RANBP2: variants seen among roughly 807,000 people sequenced by gnomAD.
RANBP2 encodes the protein RAN binding protein 2.
Under a neutral mutation model 303.6 loss-of-function variants are expected in RANBP2, and 57 were observed. That is an observed-to-expected ratio of 0.19 (90% CI 0.15 to 0.23). The LOEUF is 0.23. Among genes scored for constraint, RANBP2 ranks in the 10% least tolerant of loss-of-function variants. RANBP2 has a pLI of 1.00. For missense variants in RANBP2, 3,138 were observed against 3,780.8 expected (o/e 0.83, Z 4.46); for synonymous variants, 1,167 against 1,301.5 (o/e 0.90, Z 2.23).
chr2:109,231,027 C>G, the RANBP2 span, among the ~76,000 whole-genome samples: 1 of 152,192 alleles, frequency 6.6e-6, no homozygotes, highest in African/African-American at 2.4e-5. Flanking sequence ...TGTCACAGTT[C>G]CTGAATGTCA....
chr2:109,266,465 A>G, the RANBP2 span, among the ~76,000 whole-genome samples: 3 of 152,036 alleles, frequency 2.0e-5, no homozygotes, highest in South Asian at 6.2e-4. Context: ...TATGTTTGGG[A>G]GTGGTCCCAG....
At chr2:108,919,795 G>A in the RANBP2 span, among the ~76,000 whole-genome samples, 2 of 152,290 alleles carry the variant, frequency 1.3e-5, no homozygotes, top group South Asian at 2.1e-4. Context: ...CCCTCTCCCC[G>A]CACTACGAAG....
At chr2:109,227,866 C>T in the RANBP2 span, among the ~76,000 whole-genome samples, 1 of 152,232 alleles carries the variant, frequency 6.6e-6, no homozygotes, top group Admixed American at 6.5e-5. Flanking sequence ...CTCCGCCTTT[C>T]ATCGGTTTGT....
chr2:109,658,461 G>A, the RANBP2 span, among the ~76,000 whole-genome samples: 127 of 151,628 alleles, frequency 8.4e-4, no homozygotes, highest in Non-Finnish European at 1.9e-4. Flanking sequence ...AAAAGAAAAA[G>A]ATATAAATCA....
the RANBP2 span, among the ~76,000 whole-genome samples, chr2:109,364,679 C>T: frequency 2.6e-5 from 4 of 152,186 alleles, no homozygotes; most frequent in African/African-American, 7.2e-5. Flanking sequence ...GTGCCCCTGG[C>T]CTGTGAACTT....
At chr2:109,369,926 T>C in the RANBP2 span, among the ~76,000 whole-genome samples, 3 of 152,200 alleles carry the variant, frequency 2.0e-5, no homozygotes, top group East Asian at 5.8e-4. Flanking sequence ...AGAGGCTCCT[T>C]GGAAAGGCGG....
the RANBP2 span, among the ~76,000 whole-genome samples, chr2:108,831,785 C>T: frequency 0.013 from 1,981 of 149,472 alleles, 61 homozygotes; most frequent in South Asian, 0.08. Context: ...CAGGCTGGAG[C>T]GCAATGGCAT....
the RANBP2 span, among the ~76,000 whole-genome samples, chr2:109,374,865 A>G: frequency 6.6e-6 from 1 of 152,168 alleles, no homozygotes; most frequent in Admixed American, 6.5e-5. Flanking sequence ...AGCGCAGCTC[A>G]GGCCATGATG....
At chr2:109,491,301 CCAG>C in the RANBP2 span, among the ~76,000 whole-genome samples, 3 of 152,254 alleles carry the variant, frequency 2.0e-5, no homozygotes, top group Non-Finnish European at 4.4e-5. Context: ...GGCTGAGTCC[CCAG>C]TGGGCCTATG....
At chr2:108,796,795 G>A in the RANBP2 span, among the ~76,000 whole-genome samples, 1 of 152,132 alleles carries the variant, frequency 6.6e-6, no homozygotes, top group Non-Finnish European at 1.5e-5. Flanking sequence ...AAATAGAGAT[G>A]GAATGGTGGT....
chr2:108,828,930 A>G, the RANBP2 span, among the ~76,000 whole-genome samples: 2 of 152,142 alleles, frequency 1.3e-5, no homozygotes, highest in Non-Finnish European at 2.9e-5. Context: ...GTGAGCCGAG[A>G]TCACGCCATT....
chr2:109,506,943 A>G, the RANBP2 span, among the ~76,000 whole-genome samples: 1 of 152,080 alleles, frequency 6.6e-6, no homozygotes, highest in Non-Finnish European at 1.5e-5. Context: ...GTGCTCAGCC[A>G]CCCCACACAG....
the RANBP2 span, among the ~76,000 whole-genome samples, chr2:109,651,118 C>G: frequency 6.6e-6 from 1 of 152,128 alleles, no homozygotes; most frequent in African/African-American, 2.4e-5. Context: ...ATCCTCTCCC[C>G]ACAAAGGGAG....
the RANBP2 span, among the ~76,000 whole-genome samples, chr2:109,574,428 G>C: frequency 2.5e-5 from 3 of 118,506 alleles, no homozygotes; most frequent in East Asian, 2.7e-4. Context: ...CTGGGTGACA[G>C]AGTGACTTTA....
At chr2:109,363,325 G>A in the RANBP2 span, among the ~76,000 whole-genome samples, 2 of 152,074 alleles carry the variant, frequency 1.3e-5, no homozygotes, top group Non-Finnish European at 2.9e-5. Context: ...TGCTTTGCAA[G>A]CAGTATGAGT....
At chr2:109,152,246 C>A in the RANBP2 span, among the ~76,000 whole-genome samples, 1 of 152,222 alleles carries the variant, frequency 6.6e-6, no homozygotes, top group African/African-American at 2.4e-5. Context: ...AGGTGACAGG[C>A]AGTACCTATA....
At chr2:109,017,359 C>T in the RANBP2 span, among the ~76,000 whole-genome samples, 3 of 152,210 alleles carry the variant, frequency 2.0e-5, no homozygotes, top group Admixed American at 1.3e-4. Context: ...ATGGGCTTGG[C>T]GCCTGGGCAG....
At chr2:108,971,866 CG>C in the RANBP2 span, among the ~76,000 whole-genome samples, 1 of 152,190 alleles carries the variant, frequency 6.6e-6, no homozygotes, top group Non-Finnish European at 1.5e-5. Flanking sequence ...GCAGAAGAGA[CG>C]GTGCAATTAC....
the RANBP2 span, among the ~76,000 whole-genome samples, chr2:109,726,643 A>G: frequency 6.6e-6 from 1 of 152,140 alleles, no homozygotes. Context: ...AATCCTGCTA[A>G]CCAAGGAGTC....
Sources: gnomAD v4.1 joint callset for allele counts (sites outside exome capture counted in the v4.1 genomes callset) on GRCh38, gnomAD v4.1.1 for gene constraint, MANE v1.5 for transcripts, NCBI Gene and HGNC (gene_info 2026-07-23, HGNC 2026-07-21) for gene names.